The following SLC13A1 variants were observed in gnomAD, a reference collection of about 807,000 sequenced individuals.
The protein encoded by SLC13A1 is solute carrier family 13 member 1, also known as Na(+)/sulfate cotransporter.
A neutral mutation model predicts 70.0 loss-of-function variants in SLC13A1; 65 were observed. The ratio of observed to expected loss-of-function variants is 0.93; its 90% CI spans 0.76 to 1.14. The LOEUF (loss-of-function observed/expected upper bound fraction) is 1.14. SLC13A1 is among the 50% of genes most tolerant of loss of function. The pLI is 0.00. For synonymous variants in SLC13A1, 275 were observed against 250.5 expected (o/e 1.10, Z -0.92); for missense variants, 726 against 717.8 (o/e 1.01, Z -0.13).
chr7:123,149,038 A>C (rs1794463031), intron 6 of SLC13A1, among the ~76,000 whole-genome samples: 1 of 152,196 alleles, frequency 6.6e-6, no homozygotes. Flanking sequence ...CTATTATCCA[A>C]ATAAGAACAT....
chr7:123,115,484 A>G lies in SLC13A1; in HGVS notation c.*34T>C, dbSNP rs1172378534. The stretch of plus-strand genomic sequence containing the variant: ...CAGTCAATCATTAATGTCTTCCAGA[A>G]ATTACCGCAAGATAGTCAGAAATTT... On this transcript the variant is annotated 3_prime_UTR_variant, in exon 15 of 15. Transcript: ENST00000194130. 2 of 1,593,958 alleles carry G rather than the reference A, an allele frequency of 1.3e-6. No individual in the cohort carries two copies. The highest frequency in any genetic ancestry group is 2.7e-5 in the African/African-American group (2 of 74,426).
rs761906487 is a variant in SLC13A1 at position 123,171,856 on chromosome 7, T to G, written c.277A>C (p.Ile93Leu). 8.1e-6 allele frequency: 13 copies of G among 1,612,838 alleles called. 1 individual carries two copies. Among genetic ancestry groups the G allele is most frequent in the Middle Eastern group, 1.7e-4 (1 of 6,050 alleles). The change falls in exon 3 of 15, where the codon ATC (isoleucine) becomes CTC (leucine). Residue 93 changes from isoleucine to leucine, a missense_variant. Transcript: ENST00000194130. ...KDFHLLLIGV[I>L]CLATSIEKWN... The stretch of plus-strand genomic sequence containing the variant: ...TTTTCTATGGATGTTGCTAAACAGA[T>G]AACTCCAATTAGCAGTAAGTGAAAA...
chr7:123,118,509 A>C (rs1793256580), intron 13 of SLC13A1, among the ~76,000 whole-genome samples: 1 of 152,130 alleles, frequency 6.6e-6, no homozygotes, highest in Non-Finnish European at 1.5e-5. Context: ...TGTTTCTTGT[A>C]ATTGCTACCT....
chr7:123,140,471 A>G (rs1324887612), intron 7 of SLC13A1, among the ~76,000 whole-genome samples: 1 of 151,856 alleles, frequency 6.6e-6, no homozygotes, highest in African/African-American at 2.4e-5. Context: ...ATTCCCTCCT[A>G]TATTTTTGGA....
chr7:123,134,275 TG>T (rs1179147305), intron 8 of SLC13A1, 134 bp downstream of exon 8: 8 of 650,584 alleles, frequency 1.2e-5, no homozygotes, highest in African/African-American at 1.8e-5. Context: ...CGTATTTGTG[TG>T]TATTAATTTT....
At chr7:123,190,398 G>C (rs1795954928) in intron 1 of SLC13A1, 1 of 344,504 alleles carries the variant, frequency 2.9e-6, no homozygotes, top group Non-Finnish European at 5.8e-6. Flanking sequence ...AAACAAAAAA[G>C]GCTTACTCTT....
At chr7:123,121,525 T>C (rs1585285908) in intron 12 of SLC13A1, among the ~76,000 whole-genome samples, 2 of 152,254 alleles carry the variant, frequency 1.3e-5, no homozygotes, top group East Asian at 3.9e-4. Flanking sequence ...GATTGACATG[T>C]TTTTGTTGTT....
intron 6 of SLC13A1, among the ~76,000 whole-genome samples, chr7:123,166,193 G>A (rs1795069701): frequency 6.6e-6 from 1 of 151,940 alleles, no homozygotes; most frequent in Admixed American, 6.6e-5. Context: ...TAAGGAGCAG[G>A]TCTTTTCATC....
At position 123,125,668 on chromosome 7, in the gene SLC13A1, C is replaced by A; in HGVS notation, c.1141G>T (p.Gly381Cys). The A allele has an allele frequency of 6.2e-7, 1 of 1,610,118 alleles. No individual in the cohort carries two copies. Among genetic ancestry groups the A allele is most frequent in the South Asian group, 1.1e-5 (1 of 90,732 alleles). Reference protein sequence around the residue: ...GWSALFSEYPGFATDSTVALL... With the variant: ...GWSALFSEYPCFATDSTVALL... ...GCAACAGTTGAATCTGTAGCAAAAC[C>A]AGGGTACCTGTAAAAGGGACAAATA... is the stretch of plus-strand genomic sequence containing the variant. The change falls in exon 11 of 15, where the codon GGT (glycine) becomes TGT (cysteine). Residue 381 changes from glycine (G) to cysteine (C), a missense_variant. Physicochemically the swap from Gly to Cys is radical, Grantham distance 159. Transcript: ENST00000194130.
At position 123,149,684 on chromosome 7, in the gene SLC13A1, A is replaced by G. The variant is rs796636878; in HGVS notation, c.661-2374T>C. 8 of 450,764 alleles carry G rather than the reference A, an allele frequency of 1.8e-5. 1 individual carries two copies. Among genetic ancestry groups the G allele is most frequent in the South Asian group, 1.2e-4 (8 of 64,014 alleles). 27.9% of individuals were successfully genotyped at this position (450,764 alleles called of 1,614,324 possible). On this transcript the variant is annotated intron_variant, in intron 6 of 14. Transcript: ENST00000194130. ...TGATATTATAGTTACTCAGGGGTAG[A>G]AAGAGTATCATTTTACCATCCTGGT...
intron 6 of SLC13A1, among the ~76,000 whole-genome samples, chr7:123,166,047 C>T (rs1171090749): frequency 1.3e-5 from 2 of 152,004 alleles, no homozygotes; most frequent in African/African-American, 4.8e-5. Context: ...TACTTCCTCG[C>T]TGCAGTACTC....
intron 6 of SLC13A1, among the ~76,000 whole-genome samples, chr7:123,166,464 T>C (rs1052393908): frequency 2.0e-5 from 3 of 152,110 alleles, no homozygotes; most frequent in Non-Finnish European, 2.9e-5. Flanking sequence ...TACATATGTA[T>C]ACATGTGCCA....
At chr7:123,122,352 A>C (rs2116271962) in intron 12 of SLC13A1, among the ~76,000 whole-genome samples, 1 of 152,310 alleles carries the variant, frequency 6.6e-6, no homozygotes, top group Admixed American at 6.5e-5. Flanking sequence ...AAGAGCCATA[A>C]GCTTTGAATA....
intron 7 of SLC13A1, among the ~76,000 whole-genome samples, chr7:123,145,658 C>G (rs1405984754): frequency 1.3e-5 from 2 of 152,046 alleles, no homozygotes; most frequent in African/African-American, 4.8e-5. Flanking sequence ...TCAGAAGCCT[C>G]TCATTTATAA....
In SLC13A1 at chr7:123,191,423, A is replaced by C. The variant is rs142538360; in HGVS notation, c.99+8425T>G. ...AGTGCTTTCAACCACAGGTTTCCAC[A>C]TTCATGCCACTTGTTTGCTTTTCTG... On this transcript the variant is annotated intron_variant, in intron 1 of 14. Coordinates refer to ENST00000194130, the MANE Select transcript of SLC13A1 (RefSeq NM_022444.4). 2.2e-3 allele frequency among the ~76,000 whole-genome samples: 331 copies of C among 152,256 alleles called. 3 individuals carry two copies. The highest frequency in any genetic ancestry group is 7.5e-3 in the African/African-American group (310 of 41,558).
intron 6 of SLC13A1, among the ~76,000 whole-genome samples, chr7:123,165,144 A>G (rs1795027969): frequency 2.0e-5 from 3 of 152,256 alleles, no homozygotes; most frequent in South Asian, 4.1e-4. Flanking sequence ...AATTATATAT[A>G]CATTTATTCC....
At position 123,115,551 on chromosome 7, in the gene SLC13A1, C is replaced by A. The variant is rs1312734598; in HGVS notation, c.1755G>T (p.Trp585Cys). The change falls in exon 15 of 15, where the codon TGG becomes TGT. Residue 585 changes from tryptophan to cysteine, a missense_variant. Coordinates refer to ENST00000194130, the MANE Select transcript of SLC13A1 (RefSeq NM_022444.4). ...TGGTCTCATTACTCATAGCAGGAGC[C>A]CACGAAGGGTAAGTGTAGAGGTCAA... is the stretch of plus-strand genomic sequence containing the variant. ...PMFDLYTYPS[W>C]APAMSNETMP The A allele has an allele frequency of 6.2e-7, 1 of 1,613,242 alleles. No individual in the cohort carries two copies.
At chr7:123,122,753 A>C (rs1286457277) in intron 12 of SLC13A1, among the ~76,000 whole-genome samples, 1 of 152,190 alleles carries the variant, frequency 6.6e-6, no homozygotes, top group African/African-American at 2.4e-5. Context: ...ACTCAAATTC[A>C]TAATGAAATA....
In SLC13A1 at chr7:123,199,953, G is replaced by T; in HGVS notation, c.-7C>A. The T allele has an allele frequency of 6.2e-7, 1 of 1,602,418 alleles. No individual in the cohort carries two copies. Among genetic ancestry groups the T allele is most frequent in the Non-Finnish European group, 8.5e-7 (1 of 1,170,752 alleles). Reference sequence around the variant, plus strand: ...TGTAACTGAAGAATTTCATTGTCCTGAGCAGGTGGCTTCAATAGTGTCCTC... The same window carrying T: ...TGTAACTGAAGAATTTCATTGTCCTTAGCAGGTGGCTTCAATAGTGTCCTC... On this transcript the variant is annotated 5_prime_UTR_variant, in exon 1 of 15. Transcript: ENST00000194130.
Sources: allele counts gnomAD v4.1 joint callset (sites outside exome capture counted in the v4.1 genomes callset), GRCh38; gene constraint gnomAD v4.1.1; transcripts MANE v1.5; gene names NCBI Gene and HGNC (gene_info 2026-07-23, HGNC 2026-07-21).